The following CBFA2T2 variants were observed in gnomAD, a reference collection of about 807,000 sequenced individuals.
The protein encoded by CBFA2T2 is protein CBFA2T2.
A neutral mutation model predicts 62.2 loss-of-function variants in CBFA2T2; 11 were observed. The ratio of observed to expected loss-of-function variants is 0.18; its 90% confidence interval spans 0.11 to 0.29. The LOEUF (loss-of-function observed/expected upper bound fraction) is 0.29. CBFA2T2 is among the 10% of genes least tolerant of loss of function. CBFA2T2 has a pLI of 1.00. For missense variants in CBFA2T2, 592 were observed against 774.1 expected, an observed-to-expected ratio of 0.76 and a Z score of 2.79; for synonymous variants, 295 against 287.5, an observed-to-expected ratio of 1.03 and a Z score of -0.27.
Position 33,596,642 on chromosome 20 carries a change from C to A in CBFA2T2, c.35-10314C>A, listed in dbSNP as rs2014904529. On this transcript the variant is annotated intron_variant, in intron 1 of 10. Coordinates refer to ENST00000342704, the MANE Select transcript of CBFA2T2 (RefSeq NM_001032999.3). Reference sequence around the variant, plus strand: ...ATCTGTACCCACTTCCAGTAAGATACCTGTTCTCAGGCTTTCCGTAGAATC... The same window carrying A: ...ATCTGTACCCACTTCCAGTAAGATAACTGTTCTCAGGCTTTCCGTAGAATC... Among the ~76,000 whole-genome samples the A allele has an allele frequency of 1.3e-5, 2 of 152,116 alleles. 1 individual carries two copies. Among genetic ancestry groups the A allele is most frequent in the South Asian group, 4.1e-4 (2 of 4,820 alleles).
At chr20:33,624,246 A>AG (rs2016125822) in intron 5 of CBFA2T2, among the ~76,000 whole-genome samples, 1 of 151,232 alleles carries the variant, frequency 6.6e-6, no homozygotes, top group African/African-American at 2.4e-5. Context: ...TAAAAAAAAA[A>AG]AAAAAAAAAG....
intron 1 of CBFA2T2, among the ~76,000 whole-genome samples, chr20:33,524,122 T>G (rs2011815238): frequency 6.6e-6 from 1 of 152,000 alleles, no homozygotes; most frequent in Admixed American, 6.6e-5. Flanking sequence ...AGGACAAAAA[T>G]ATGTACAGGT....
intron 1 of CBFA2T2, among the ~76,000 whole-genome samples, chr20:33,560,980 C>T (rs2013066937): frequency 6.6e-6 from 1 of 152,132 alleles, no homozygotes; most frequent in South Asian, 2.1e-4. Context: ...CGGGTTCAAG[C>T]AATTCTCCTG....
chr20:33,558,139 T>C, intron 1 of CBFA2T2, among the ~76,000 whole-genome samples: 1 of 150,904 alleles, frequency 6.6e-6, no homozygotes, highest in African/African-American at 2.4e-5. Flanking sequence ...GCTCTCTCTT[T>C]TTTTTTTTTT....
chr20:33,633,121 C>T lies in CBFA2T2; in HGVS notation c.1228+3207C>T, dbSNP rs73622524. Among the ~76,000 whole-genome samples the T allele has an allele frequency of 5.3e-4, 80 of 151,864 alleles. 2 individuals carry two copies. The East Asian group carries it at 0.014, about 27-fold the overall frequency. The stretch of plus-strand genomic sequence containing the variant: ...TGCAGTGTCTCACGCCTGTAATCCC[C>T]GCACTTTGGGAGGCTGAACGAGGTG... On this transcript the variant is annotated intron_variant, in intron 8 of 10. Transcript: ENST00000342704.
chr20:33,582,912 A>G (rs185119834), intron 1 of CBFA2T2, among the ~76,000 whole-genome samples: 18 of 152,216 alleles, frequency 1.2e-4, no homozygotes, highest in African/African-American at 3.4e-4. Context: ...ACTGCACTCC[A>G]GCCTGGATGA....
At chr20:33,607,428 T>C (rs2015381286) in intron 2 of CBFA2T2, among the ~76,000 whole-genome samples, 1 of 152,242 alleles carries the variant, frequency 6.6e-6, no homozygotes, top group Admixed American at 6.5e-5. Context: ...TCTAAAATTA[T>C]AGAATTCTAA....
At chr20:33,570,054 C>T (rs1263201552) in intron 1 of CBFA2T2, among the ~76,000 whole-genome samples, 4 of 151,982 alleles carry the variant, frequency 2.6e-5, no homozygotes, top group Non-Finnish European at 5.9e-5. Flanking sequence ...CCAAGGCGGG[C>T]GATCACCTGA....
chr20:33,643,356 C>T (rs2016921520), intron 10 of CBFA2T2, among the ~76,000 whole-genome samples: 1 of 151,960 alleles, frequency 6.6e-6, no homozygotes. Context: ...TGGGAGGGTC[C>T]TTTGAGGCCA....
At chr20:33,494,273 ATTTTTTTTTTTTT>A (rs1156307604) in intron 1 of CBFA2T2, among the ~76,000 whole-genome samples, 4 of 21,358 alleles carry the variant, frequency 1.9e-4, no homozygotes, top group Non-Finnish European at 2.8e-4. Context: ...ATATATATAT[ATTTTTTTTTTTTT>A]TTTTTTTTTT....
intron 8 of CBFA2T2, among the ~76,000 whole-genome samples, chr20:33,633,189 G>A (rs1216501462): frequency 1.3e-5 from 2 of 152,110 alleles, no homozygotes; most frequent in Admixed American, 1.3e-4. Flanking sequence ...TGGCCAACAT[G>A]TCAAAACACT....
intron 1 of CBFA2T2, among the ~76,000 whole-genome samples, chr20:33,592,519 C>T (rs972858101): frequency 6.0e-5 from 9 of 151,222 alleles, no homozygotes; most frequent in Non-Finnish European, 1.3e-4. Flanking sequence ...AAAAAGGTTA[C>T]ATTTACTCTA....
Position 33,490,117 on chromosome 20 carries a change from A to T in CBFA2T2, c.-151A>T, listed in dbSNP as rs1448240043. The T allele has an allele frequency of 2.8e-6, 2 of 716,498 alleles. No homozygotes were observed. The highest frequency in any genetic ancestry group is 1.8e-6 in the Non-Finnish European group (1 of 547,604). 44.4% of individuals were successfully genotyped at this position (716,498 alleles called of 1,614,324 possible). A position where few individuals can be genotyped will look rare whatever the true frequency, so the allele number is the denominator to read the frequency against. On this transcript the variant is annotated 5_prime_UTR_variant, in exon 1 of 11. Transcript: ENST00000342704. Reference sequence around the variant, plus strand: ...CGGCGGCGGCGGCGGCGACGGCGACAGCAGCGGTGGTGGTGTCTGGTTAGC... The same window carrying T: ...CGGCGGCGGCGGCGGCGACGGCGACTGCAGCGGTGGTGGTGTCTGGTTAGC...
intron 8 of CBFA2T2, among the ~76,000 whole-genome samples, chr20:33,635,463 G>T (rs189424531): frequency 6.6e-6 from 1 of 152,228 alleles, no homozygotes; most frequent in African/African-American, 2.4e-5. Flanking sequence ...GGCCTAGAAA[G>T]CGCCCAGTCC....
chr20:33,643,825 ATGTGTGTGTGTGTG>A (rs58366038), intron 10 of CBFA2T2, among the ~76,000 whole-genome samples: 8 of 73,368 alleles, frequency 1.1e-4, no homozygotes, highest in East Asian at 5.9e-4. Flanking sequence ...ATAGTATATA[ATGTGTGTGTGTGTG>A]TGTGTGTGTG....
intron 1 of CBFA2T2, among the ~76,000 whole-genome samples, chr20:33,508,247 A>G (rs544818321): frequency 1.3e-5 from 2 of 152,080 alleles, no homozygotes; most frequent in Non-Finnish European, 2.9e-5. Flanking sequence ...GGTGTGCGCC[A>G]CCACACCTGG....
At chr20:33,528,561 G>A (rs930840239) in intron 1 of CBFA2T2, among the ~76,000 whole-genome samples, 4 of 152,192 alleles carry the variant, frequency 2.6e-5, no homozygotes, top group African/African-American at 9.7e-5. Flanking sequence ...TGAAGTCTCA[G>A]TTATATTCTT....
At chr20:33,517,717 T>G in intron 1 of CBFA2T2, among the ~76,000 whole-genome samples, 1 of 151,344 alleles carries the variant, frequency 6.6e-6, no homozygotes, top group South Asian at 2.1e-4. Flanking sequence ...AGACGGAGAC[T>G]TGCTTGCAAC....
rs564518170 is a variant in CBFA2T2, at chr20:33,540,975, T to G, written c.34+50674T>G. ...AAGTAGAAGGTACTAGCTTAATGAA[T>G]TTGGCTCTAATAAGTTAATAAAGTA... On this transcript the variant is annotated intron_variant, in intron 1 of 10. Coordinates refer to ENST00000342704, the MANE Select transcript of CBFA2T2 (RefSeq NM_001032999.3). Among the ~76,000 whole-genome samples, 3 of 152,248 alleles carry G rather than the reference T, an allele frequency of 2.0e-5. No homozygotes were observed. The South Asian group carries it at 6.2e-4, about 32-fold the overall frequency.
Sources: gnomAD v4.1 joint callset for allele counts (sites outside exome capture counted in the v4.1 genomes callset) on GRCh38, gnomAD v4.1.1 for gene constraint, MANE v1.5 for transcripts, NCBI Gene and HGNC (gene_info 2026-07-23, HGNC 2026-07-21) for gene names.